PCDHGA9: variants seen among roughly 807,000 people sequenced by gnomAD.
The protein encoded by PCDHGA9 is protocadherin gamma subfamily A, 9, also known as protocadherin gamma-A9.
PCDHGA9 carries 37 observed loss-of-function variants against 62.5 expected under a neutral mutation model. That is an observed-to-expected ratio of 0.59 (90% CI 0.46 to 0.78). The LOEUF (loss-of-function observed/expected upper bound fraction) is 0.78, where lower values mean the gene tolerates loss of function less well. Among genes scored for constraint, PCDHGA9 ranks in the 30% least tolerant of loss-of-function variants. PCDHGA9 has a pLI of 0.00. For missense variants in PCDHGA9, 1,138 were observed against 1,166.2 expected, an observed-to-expected ratio of 0.98 and a Z score of 0.35; for synonymous variants, 459 against 484.6, an observed-to-expected ratio of 0.95 and a Z score of 0.69.
chr5:141,403,328 A>G lies in PCDHGA9; in HGVS notation c.376A>G (p.Ile126Val). The G allele has an allele frequency of 1.8e-5, 29 of 1,613,998 alleles. No homozygotes were observed. The highest frequency in any genetic ancestry group is 2.4e-5 in the Non-Finnish European group (28 of 1,179,906). The change falls in exon 1 of 4, where the codon ATT becomes GTT. Residue 126 changes from isoleucine (I) to valine (V), a missense_variant. Physicochemically the swap from Ile to Val is conservative, Grantham distance 29 (BLOSUM62 3). Transcript: ENST00000573521. ...LYGIEIEVTDINDSAPKFQAE... is the reference protein window; with the variant it reads ...LYGIEIEVTDVNDSAPKFQAE... Reference sequence around the variant, plus strand: ...CGGAATAGAAATAGAAGTAACTGATATTAACGACAGCGCCCCAAAGTTCCA... The same window carrying G: ...CGGAATAGAAATAGAAGTAACTGATGTTAACGACAGCGCCCCAAAGTTCCA...
chr5:141,405,815 T>C (rs755764286), intron 1 of PCDHGA9, among the ~76,000 whole-genome samples: 14 of 103,812 alleles, frequency 1.3e-4, no homozygotes, highest in Non-Finnish European at 2.3e-4. Flanking sequence ...TCTTTAACTG[T>C]CTGTACTTAA....
intron 1 of PCDHGA9, among the ~76,000 whole-genome samples, chr5:141,444,733 G>A (rs1464370133): frequency 6.6e-6 from 1 of 152,106 alleles, no homozygotes; most frequent in Non-Finnish European, 1.5e-5. Flanking sequence ...TTTGTTGAAA[G>A]TCATTTCACT....
At position 141,490,524 on chromosome 5, in the gene PCDHGA9, T is replaced by C. The variant is rs1197866164; in HGVS notation, c.2425-4283T>C. The C allele has an allele frequency of 1.2e-6, 2 of 1,613,990 alleles. No homozygotes were observed. Among genetic ancestry groups the C allele is most frequent in the Non-Finnish European group, 1.7e-6 (2 of 1,180,018 alleles). On this transcript the variant is annotated intron_variant, in intron 1 of 3. Transcript: ENST00000573521. The surrounding 1 kb of genome is among the most constrained non-coding windows in gnomAD (Gnocchi z 5.4). ...ATATCATCGAGCTGCTGGCCAGCGA[T>C]GCTGGTTCACCTTCCCTACACAAAC...
intron 1 of PCDHGA9, among the ~76,000 whole-genome samples, chr5:141,492,409 C>T (rs1367119266): frequency 6.6e-6 from 1 of 152,230 alleles, no homozygotes. Context: ...TCCCCTCTGC[C>T]GCTCCCTCCG....
At position 141,413,207 on chromosome 5, in the gene PCDHGA9, C is replaced by T. The variant is rs563279284; in HGVS notation, c.2424+7831C>T. The T allele has an allele frequency of 4.7e-5, 76 of 1,612,874 alleles. 2 individuals carry two copies. The South Asian group carries it at 7.6e-4, about 16-fold the overall frequency. ...GCTCAAAGGAATCGCTCAAAGGAAT[C>T]AAAGGATTGCAGCGGGCTGGTCCTG... On this transcript the variant is annotated intron_variant, in intron 1 of 3. Coordinates refer to ENST00000573521, the MANE Select transcript of PCDHGA9 (RefSeq NM_018921.3).
At chr5:141,421,829 T>G in intron 1 of PCDHGA9, 5 of 1,613,784 alleles carry the variant, frequency 3.1e-6, no homozygotes, top group Non-Finnish European at 4.2e-6. Context: ...GAGGGAAGCC[T>G]GGACCGAGAG....
chr5:141,511,265 A>C lies in PCDHGA9; in HGVS notation c.*92A>C. The C allele has an allele frequency of 6.4e-7, 1 of 1,551,730 alleles. No individual in the cohort carries two copies. Among genetic ancestry groups the C allele is most frequent in the Non-Finnish European group, 8.7e-7 (1 of 1,148,178 alleles). ...ACCCAGGCCTCAGAGTTTCAGGGCT[A>C]ACCCCCAGAATACTGGTAGGGGCCA... On this transcript the variant is annotated 3_prime_UTR_variant, in exon 4 of 4. Coordinates refer to ENST00000573521, the MANE Select transcript of PCDHGA9 (RefSeq NM_018921.3).
At chr5:141,473,853 C>T (rs2099329853) in intron 1 of PCDHGA9, among the ~76,000 whole-genome samples, 1 of 152,128 alleles carries the variant, frequency 6.6e-6, no homozygotes, top group Non-Finnish European at 1.5e-5. Flanking sequence ...GGAAGATGAA[C>T]CTCGCTATTG....
At chr5:141,501,470 TG>T (rs1206698871) in intron 2 of PCDHGA9, among the ~76,000 whole-genome samples, 1 of 152,068 alleles carries the variant, frequency 6.6e-6, no homozygotes, top group African/African-American at 2.4e-5. Flanking sequence ...CCCCAAATCC[TG>T]GAAGAGTCCC....
At chr5:141,417,656 G>A (rs1561768422) in intron 1 of PCDHGA9, 1 of 854,026 alleles carries the variant, frequency 1.2e-6, no homozygotes, top group Non-Finnish European at 1.7e-6. Context: ...CCTCTAGCCT[G>A]GGATTCCCTG....
Position 141,427,553 on chromosome 5 carries a change from TG to T in PCDHGA9, c.2424+22178del, listed in dbSNP as rs201716174. ...AGTACAACGTCACCATCACTGCCAC[TG>T]ACAAGGGCAAGCCTCCGCTCTCATC... On this transcript the variant is annotated intron_variant, in intron 1 of 3. Transcript: ENST00000573521. 2.7e-3 allele frequency: 1,760 copies of T among 646,124 alleles called. 23 individuals are homozygous for T. In the African/African-American group the frequency reaches 0.028, roughly 10 times the overall value. 40.0% of individuals were successfully genotyped at this position (646,124 alleles called of 1,614,324 possible).
chr5:141,485,275 G>T lies in PCDHGA9; in HGVS notation c.2425-9532G>T, dbSNP rs77402299. ...ACGTTTGTGGGCAGATCCGCTACCC[G>T]GTCCCAGAGGAGTCACAGGAAGGGA... is the stretch of plus-strand genomic sequence containing the variant. On this transcript the variant is annotated intron_variant, in intron 1 of 3. Coordinates refer to ENST00000573521, the MANE Select transcript of PCDHGA9 (RefSeq NM_018921.3). The surrounding 1 kb of genome is among the most constrained non-coding windows in gnomAD (Gnocchi z 5.7). 1.1e-5 allele frequency: 18 copies of T among 1,614,072 alleles called. No individual in the cohort carries two copies. The South Asian group carries it at 1.4e-4, about 13-fold the overall frequency.
At chr5:141,413,451 CA>C (rs1561742676) in intron 1 of PCDHGA9, 1 of 1,614,118 alleles carries the variant, frequency 6.2e-7, no homozygotes, top group East Asian at 2.2e-5. Context: ...TCACCGCGGG[CA>C]GGATAGACCG....
chr5:141,490,321 G>C lies in PCDHGA9; in HGVS notation c.2425-4486G>C. On this transcript the variant is annotated intron_variant, in intron 1 of 3. Coordinates refer to ENST00000573521, the MANE Select transcript of PCDHGA9 (RefSeq NM_018921.3). The surrounding 1 kb of genome is among the most constrained non-coding windows in gnomAD (Gnocchi z 5.4). ...GGCCTCTTTGGCCAACCCTGTCCTA[G>C]AGAGCACACCAGTGGGCACAGTAGT... 1.2e-6 allele frequency: 2 copies of C among 1,614,220 alleles called. No homozygotes were observed. The highest frequency in any genetic ancestry group is 1.7e-6 in the Non-Finnish European group (2 of 1,180,044).
In PCDHGA9 at chr5:141,476,245, G is replaced by C; in HGVS notation, c.2425-18562G>C. 3.1e-6 allele frequency: 5 copies of C among 1,614,086 alleles called. No homozygotes were observed. The highest frequency in any genetic ancestry group is 3.4e-6 in the Non-Finnish European group (4 of 1,180,026). On this transcript the variant is annotated intron_variant, in intron 1 of 3. Transcript: ENST00000573521. This position sits in a 1 kb window ranked among gnomAD's most constrained non-coding sequence, Gnocchi z 7.6. The stretch of plus-strand genomic sequence containing the variant: ...ATGAGATCCCGGAGGAAAGAGAGAA[G>C]GGTTTCGCTGTGGGCAACGTGGTCG...
chr5:141,404,780 AAGGCCAGTGAGCC>A lies in PCDHGA9; in HGVS notation c.1832_1844del (p.Ala611GlyfsTer19). On this transcript the variant is annotated frameshift_variant, in exon 1 of 4. Transcript: ENST00000573521. LOFTEE classifies it high-confidence loss of function. ...TGCTTGGCTCTCCTACCGCCTATTC[AAGGCCAGTGAGCC>A]AGGGCTCTTCTCGGTGGGGCTGCAC... The A allele has an allele frequency of 6.2e-7, 1 of 1,612,764 alleles. No homozygotes were observed. Among genetic ancestry groups the A allele is most frequent in the Non-Finnish European group, 8.5e-7 (1 of 1,179,876 alleles).
At chr5:141,458,064 C>T (rs886724551) in intron 1 of PCDHGA9, among the ~76,000 whole-genome samples, 14 of 152,104 alleles carry the variant, frequency 9.2e-5, no homozygotes, top group East Asian at 3.9e-4. Context: ...TGCACTGATG[C>T]GAACAACTAT....
chr5:141,410,827 A>G lies in PCDHGA9; in HGVS notation c.2424+5451A>G. The G allele has an allele frequency of 1.4e-5, 6 of 440,972 alleles. No individual in the cohort carries two copies. The South Asian group carries it at 2.4e-4, about 18-fold the overall frequency. 27.3% of individuals were successfully genotyped at this position (440,972 alleles called of 1,614,324 possible). The stretch of plus-strand genomic sequence containing the variant: ...TCTTTTTGTAAAATAATGTCACCAG[A>G]CTGAAGATATTTTGTCTTTGTCTTT... On this transcript the variant is annotated intron_variant, in intron 1 of 3. Transcript: ENST00000573521.
At chr5:141,450,006 CTTT>C (rs1554136305) in intron 1 of PCDHGA9, among the ~76,000 whole-genome samples, 9 of 132,974 alleles carry the variant, frequency 6.8e-5, no homozygotes, top group Admixed American at 7.8e-5. Context: ...TGCCATGTCT[CTTT>C]TTTTTTTTTT....
Sources: allele counts gnomAD v4.1 joint callset (sites outside exome capture counted in the v4.1 genomes callset), GRCh38; gene constraint gnomAD v4.1.1; non-coding constraint Gnocchi (gnomAD v3.1); transcripts MANE v1.5; gene names NCBI Gene and HGNC (gene_info 2026-07-23, HGNC 2026-07-21).